The following AATF variants were observed in gnomAD, a reference collection of about 807,000 sequenced individuals.
The protein encoded by AATF is protein AATF.
In AATF, 48 loss-of-function variants were observed where a neutral mutation model predicts 63.7. The ratio of observed to expected loss-of-function variants is 0.75; its 90% CI spans 0.60 to 0.96. The LOEUF is 0.96. AATF is among the 40% of genes least tolerant of loss of function. AATF has a pLI of 0.00. For missense variants in AATF, 639 were observed against 685.7 expected, an observed-to-expected ratio of 0.93 and a Z score of 0.76; for synonymous variants, 258 against 247.7, an observed-to-expected ratio of 1.04 and a Z score of -0.39.
chr17:36,962,230 G>C (rs1036200548), intron 4 of AATF, among the ~76,000 whole-genome samples: 1 of 152,214 alleles, frequency 6.6e-6, no homozygotes, highest in African/African-American at 2.4e-5. Context: ...CTATTTATTA[G>C]AGAGTGAGTT....
intron 4 of AATF, among the ~76,000 whole-genome samples, chr17:36,975,156 T>C (rs2071070482): frequency 6.6e-6 from 1 of 152,184 alleles, no homozygotes; most frequent in Non-Finnish European, 1.5e-5. Context: ...TTATCTGACT[T>C]CCAGATACTT....
chr17:36,965,012 G>A (rs1371627417), intron 4 of AATF, among the ~76,000 whole-genome samples: 1 of 152,134 alleles, frequency 6.6e-6, no homozygotes, highest in East Asian at 1.9e-4. Context: ...CTGAGTTCTT[G>A]TAGGTTTGAA....
intron 4 of AATF, among the ~76,000 whole-genome samples, chr17:36,982,656 GT>G (rs894139075): frequency 6.6e-6 from 1 of 151,972 alleles, no homozygotes; most frequent in African/African-American, 2.4e-5. Flanking sequence ...CCAGCCCAGT[GT>G]TTTTTTGTTG....
chr17:37,055,879 C>G (rs1435918498), intron 11 of AATF: 1 of 152,316 alleles, frequency 6.6e-6, no homozygotes, highest in Non-Finnish European at 1.5e-5. Flanking sequence ...TAGGAAAGAT[C>G]CCTGCCCCAC....
intron 4 of AATF, among the ~76,000 whole-genome samples, chr17:36,973,962 G>T (rs536818634): frequency 6.6e-6 from 1 of 152,098 alleles, no homozygotes; most frequent in East Asian, 1.9e-4. Flanking sequence ...TCCCTGCCTC[G>T]GGAGGCTGAG....
At chr17:36,964,598 T>C (rs776795603) in intron 4 of AATF, among the ~76,000 whole-genome samples, 1 of 152,084 alleles carries the variant, frequency 6.6e-6, no homozygotes, top group Non-Finnish European at 1.5e-5. Flanking sequence ...AATTGGAAAA[T>C]TGTGTTTTCT....
Position 36,962,885 on chromosome 17 carries a change from G to T in AATF, c.832+8978G>T, listed in dbSNP as rs77184442. Among the ~76,000 whole-genome samples, 708 of 152,314 alleles carry T rather than the reference G, an allele frequency of 4.6e-3. 7 individuals carry two copies. Among genetic ancestry groups the T allele is most frequent in the African/African-American group, 0.016 (651 of 41,566 alleles). Reference sequence around the variant, plus strand: ...GCCTGTAATCCCAGTACTTTGGGAGGCCGAGGCAGGCGAATCACCTGAGGT... The same window carrying T: ...GCCTGTAATCCCAGTACTTTGGGAGTCCGAGGCAGGCGAATCACCTGAGGT... On this transcript the variant is annotated intron_variant, in intron 4 of 11. Coordinates refer to ENST00000619387, the MANE Select transcript of AATF (RefSeq NM_012138.4).
At chr17:37,032,591 C>G (rs1012125461) in intron 11 of AATF, among the ~76,000 whole-genome samples, 8 of 152,164 alleles carry the variant, frequency 5.3e-5, no homozygotes, top group Admixed American at 1.3e-4. Context: ...ATTGCTATTT[C>G]TAGACCTGTC....
At chr17:37,029,491 A>T (rs1008774411) in intron 10 of AATF, among the ~76,000 whole-genome samples, 1 of 148,940 alleles carries the variant, frequency 6.7e-6, no homozygotes, top group Admixed American at 6.7e-5. Context: ...CAGGTGATCC[A>T]CCCGCCTCAG....
chr17:37,022,275 T>C (rs1261535144), intron 10 of AATF, among the ~76,000 whole-genome samples: 1 of 152,190 alleles, frequency 6.6e-6, no homozygotes, highest in Non-Finnish European at 1.5e-5. Context: ...CCCACATCCT[T>C]ATTAGAACCT....
In AATF at chr17:36,953,776, G is replaced by A; in HGVS notation, c.701G>A (p.Trp234Ter). The A allele has an allele frequency of 6.2e-7, 1 of 1,613,564 alleles. No individual in the cohort carries two copies. The highest frequency in any genetic ancestry group is 8.5e-7 in the Non-Finnish European group (1 of 1,179,844). ...TCTCTTTTCTTCTTTTCAGCACTGT[G>A]GGACCAGCTCTTGGAAGGAAGGATC... Reference protein sequence around the residue: ...GRAVKNQIALWDQLLEGRIKL... With the variant: ...GRAVKNQIAL The change falls in exon 4 of 12, where the codon TGG becomes TAG. Residue 234 changes from tryptophan (W) to a stop codon, truncating the protein, a stop_gained. Coordinates refer to ENST00000619387, the MANE Select transcript of AATF (RefSeq NM_012138.4). LOFTEE classifies it high-confidence loss of function.
chr17:36,949,225 G>A lies in AATF; in HGVS notation c.91+9G>A, dbSNP rs373309876. 1.9e-6 allele frequency: 3 copies of A among 1,582,258 alleles called. No individual in the cohort carries two copies. The highest frequency in any genetic ancestry group is 2.6e-6 in the Non-Finnish European group (3 of 1,165,996). ...AGCGGACCCCGAGGAAGGTGAGGCC[G>A]GACTGGGGCAGGCCACGTGCGGAGC... On this transcript the variant is annotated intron_variant, in intron 1 of 11. Coordinates refer to ENST00000619387, the MANE Select transcript of AATF (RefSeq NM_012138.4).
chr17:37,048,653 G>A (rs2071717716), intron 11 of AATF, among the ~76,000 whole-genome samples: 2 of 152,168 alleles, frequency 1.3e-5, no homozygotes, highest in Non-Finnish European at 2.9e-5. Context: ...TTACAGGTGT[G>A]AGCCACTGCG....
At chr17:37,023,451 G>A (rs2071487716) in intron 10 of AATF, among the ~76,000 whole-genome samples, 1 of 151,720 alleles carries the variant, frequency 6.6e-6, no homozygotes, top group African/African-American at 2.4e-5. Flanking sequence ...GATAGCAGTG[G>A]AGATCCCCAC....
intron 4 of AATF, among the ~76,000 whole-genome samples, chr17:36,973,676 TCCTTTAGGCAGG>T (rs1178266443): frequency 2.6e-5 from 4 of 152,220 alleles, no homozygotes; most frequent in African/African-American, 9.6e-5. Context: ...TAGTTCCTTC[TCCTTTAGGCAGG>T]TAAGACCATT....
At chr17:37,023,563 CA>C in intron 10 of AATF, among the ~76,000 whole-genome samples, 1 of 138,526 alleles carries the variant, frequency 7.2e-6, no homozygotes, top group African/African-American at 2.7e-5. Context: ...TCTTTTTAAA[CA>C]GAGTTTAAAA....
intron 10 of AATF, among the ~76,000 whole-genome samples, chr17:37,030,099 C>A (rs192738949): frequency 7.9e-5 from 12 of 151,378 alleles, no homozygotes; most frequent in African/African-American, 2.9e-4. Flanking sequence ...GGGGTATAGA[C>A]AGGGTCTTAC....
At chr17:36,973,904 C>G (rs2071059338) in intron 4 of AATF, among the ~76,000 whole-genome samples, 1 of 152,092 alleles carries the variant, frequency 6.6e-6, no homozygotes, top group Non-Finnish European at 1.5e-5. Context: ...AACCCTGTCT[C>G]TACTAAAAAT....
At chr17:37,026,121 C>T (rs2071509460) in intron 10 of AATF, among the ~76,000 whole-genome samples, 1 of 152,068 alleles carries the variant, frequency 6.6e-6, no homozygotes, top group African/African-American at 2.4e-5. Flanking sequence ...CATACAAATC[C>T]ACATTGTGAG....
Sources: gnomAD v4.1 joint callset for allele counts (sites outside exome capture counted in the v4.1 genomes callset) on GRCh38, gnomAD v4.1.1 for gene constraint, MANE v1.5 for transcripts, NCBI Gene and HGNC (gene_info 2026-07-23, HGNC 2026-07-21) for gene names.